The following ZNF827 variants were observed in gnomAD, a reference collection of about 807,000 sequenced individuals.
ZNF827 encodes zinc finger protein 827.
ZNF827 carries 13 observed loss-of-function variants against 102.4 expected under a neutral mutation model. The observed-to-expected ratio is 0.13, with a 90% CI of 0.08 to 0.20. The LOEUF (loss-of-function observed/expected upper bound fraction) is 0.20, where lower values mean the gene tolerates loss of function less well. Ranked by LOEUF, ZNF827 falls within the 10% of genes least tolerant of loss-of-function variation. The pLI, the probability that ZNF827 is intolerant of heterozygous loss-of-function variation, is 1.00. For synonymous variants in ZNF827, 523 were observed against 536.2 expected, an observed-to-expected ratio of 0.98 and a Z score of 0.34; for missense variants, 1,103 against 1,344.4, an observed-to-expected ratio of 0.82 and a Z score of 2.81.
In ZNF827 at chr4:145,760,420, C is replaced by T. The variant is rs1221379111; in HGVS notation, c.*1196G>A. 1.3e-5 allele frequency: 2 copies of T among 153,224 alleles called. No individual in the cohort carries two copies. Among genetic ancestry groups the T allele is most frequent in the East Asian group, 3.8e-4 (2 of 5,198 alleles). 9.5% of individuals were successfully genotyped at this position (153,224 alleles called of 1,614,324 possible). ...TATATAAGCTTACAAGTGCTGATTGCTATTAAGGACACTCTCTTTAGGGTT... is the reference window on the plus strand; with the variant it reads ...TATATAAGCTTACAAGTGCTGATTGTTATTAAGGACACTCTCTTTAGGGTT... On this transcript the variant is annotated 3_prime_UTR_variant, in exon 15 of 15. Transcript: ENST00000508784.
At chr4:145,772,217 T>C (rs973991200) in intron 11 of ZNF827, among the ~76,000 whole-genome samples, 3 of 152,196 alleles carry the variant, frequency 2.0e-5, no homozygotes, top group Non-Finnish European at 4.4e-5. Flanking sequence ...TGAAGGTACA[T>C]TGATTCCCCA....
At chr4:145,856,674 TACACACATACACAC>T (rs1747134789) in intron 5 of ZNF827, among the ~76,000 whole-genome samples, 2 of 127,754 alleles carry the variant, frequency 1.6e-5, no homozygotes, top group African/African-American at 3.1e-5. Context: ...TGACCTCCAG[TACACACATACACAC>T]ACACACACAC....
chr4:145,799,937 T>C (rs1348393114), intron 8 of ZNF827, among the ~76,000 whole-genome samples: 1 of 152,224 alleles, frequency 6.6e-6, no homozygotes, highest in Non-Finnish European at 1.5e-5. Flanking sequence ...GGACTGCTTA[T>C]ACTCTGGCTG....
At chr4:145,911,080 A>C (rs1038153875) in intron 1 of ZNF827, among the ~76,000 whole-genome samples, 15 of 152,194 alleles carry the variant, frequency 9.9e-5, no homozygotes, top group South Asian at 2.1e-4. Context: ...AATAAGAACT[A>C]TTTTCAAAAT....
rs945254568 is a variant in ZNF827, at chr4:145,759,704, G to A, written c.*1912C>T. ...TTATTTTACTTTTTTTTTTTCAGAT[G>A]AGAAACAAAAACTAGTGCAAGACCA... On this transcript the variant is annotated 3_prime_UTR_variant, in exon 15 of 15. Transcript: ENST00000508784. 2.7e-5 allele frequency: 4 copies of A among 150,348 alleles called. No homozygotes were observed. The highest frequency in any genetic ancestry group is 7.3e-5 in the African/African-American group (3 of 40,892). 9.3% of individuals were successfully genotyped at this position (150,348 alleles called of 1,614,324 possible). A position where few individuals can be genotyped will look rare whatever the true frequency, so the allele number is the denominator to read the frequency against.
At chr4:145,885,549 A>C in intron 4 of ZNF827, 129 bp downstream of exon 4, 2 of 1,314,936 alleles carry the variant, frequency 1.5e-6, no homozygotes, top group Non-Finnish European at 2.0e-6. Context: ...ATTTAAAGGG[A>C]CCTTGAAATC....
rs1022843194 is a variant in ZNF827 at position 145,761,084 on chromosome 4, G to A, written c.*532C>T. 2 of 1,289,462 alleles carry A rather than the reference G, an allele frequency of 1.6e-6. No homozygotes were observed. Among genetic ancestry groups the A allele is most frequent in the Non-Finnish European group, 2.0e-6 (2 of 988,722 alleles). 79.9% of individuals were successfully genotyped at this position (1,289,462 alleles called of 1,614,324 possible). ...TGGGAGGCAGACATAACTGACAGGG[G>A]AGACAGGAGATTCCGGGAGCTCCCG... On this transcript the variant is annotated 3_prime_UTR_variant, in exon 15 of 15. Coordinates refer to ENST00000508784, the MANE Select transcript of ZNF827 (RefSeq NM_001306215.2). The surrounding 1 kb of genome is among the most constrained non-coding windows in gnomAD (Gnocchi z 6.8).
At chr4:145,805,756 C>G (rs1437410067) in intron 8 of ZNF827, among the ~76,000 whole-genome samples, 1 of 152,138 alleles carries the variant, frequency 6.6e-6, no homozygotes, top group African/African-American at 2.4e-5. Context: ...CCTCCCTCCC[C>G]TCCAGCCTCA....
chr4:145,930,019 C>T (rs1488876866), intron 1 of ZNF827, among the ~76,000 whole-genome samples: 1 of 152,164 alleles, frequency 6.6e-6, no homozygotes, highest in South Asian at 2.1e-4. Context: ...TGCTGCCCTA[C>T]GAACTTTGAA....
At chr4:145,821,148 C>T (rs893474731) in intron 8 of ZNF827, among the ~76,000 whole-genome samples, 1 of 152,114 alleles carries the variant, frequency 6.6e-6, no homozygotes, top group Non-Finnish European at 1.5e-5. Flanking sequence ...AGTTCTTCAA[C>T]AAAATGTATA....
intron 8 of ZNF827, among the ~76,000 whole-genome samples, chr4:145,781,966 T>C (rs919343722): frequency 3.3e-5 from 5 of 152,310 alleles, no homozygotes; most frequent in African/African-American, 1.2e-4. Context: ...AGCTGAAGCA[T>C]CATGAACTGT....
chr4:145,835,870 C>A (rs898559955), intron 7 of ZNF827, among the ~76,000 whole-genome samples: 1 of 151,650 alleles, frequency 6.6e-6, no homozygotes, highest in Admixed American at 6.6e-5. Context: ...CAAGCCTTTA[C>A]AAGTTAGTTC....
At position 145,763,224 on chromosome 4, in the gene ZNF827, A is replaced by C; in HGVS notation, c.3231-102T>G. On this transcript the variant is annotated intron_variant, in intron 13 of 14. Transcript: ENST00000508784. This position sits in a 1 kb window ranked among gnomAD's most constrained non-coding sequence, Gnocchi z 4.6. Reference sequence around the variant, plus strand: ...ATCACAGAAAAGCAATTTAGACATCAGCAGTCTGTTTCATTTTAAGGACAT... The same window carrying C: ...ATCACAGAAAAGCAATTTAGACATCCGCAGTCTGTTTCATTTTAAGGACAT... 2 of 1,168,940 alleles carry C rather than the reference A, an allele frequency of 1.7e-6. No homozygotes were observed. The highest frequency in any genetic ancestry group is 2.4e-6 in the Non-Finnish European group (2 of 831,070). 72.4% of individuals were successfully genotyped at this position (1,168,940 alleles called of 1,614,324 possible).
At chr4:145,764,956 G>A (rs553358086) in intron 13 of ZNF827, 32 bp downstream of exon 13, 30 of 1,608,524 alleles carry the variant, frequency 1.9e-5, no homozygotes, top group Non-Finnish European at 2.3e-5. Context: ...TAATAACAAC[G>A]CAGTAAAAGG....
rs115632683 is a variant in ZNF827, at chr4:145,866,091, G to A, written c.1981+4154C>T. Among the ~76,000 whole-genome samples the A allele has an allele frequency of 8.0e-3, 1,219 of 152,250 alleles. 20 individuals carry two copies. Among genetic ancestry groups the A allele is most frequent in the African/African-American group, 0.027 (1,121 of 41,534 alleles). Reference sequence around the variant, plus strand: ...AGGGGGTGGTTCCTGGGTTCCATATGGGCCTCCAGCCTCTGGCTGCGGTGG... The same window carrying A: ...AGGGGGTGGTTCCTGGGTTCCATATAGGCCTCCAGCCTCTGGCTGCGGTGG... On this transcript the variant is annotated intron_variant, in intron 5 of 14. Transcript: ENST00000508784.
At chr4:145,921,382 A>T (rs1753053825) in intron 1 of ZNF827, among the ~76,000 whole-genome samples, 1 of 149,834 alleles carries the variant, frequency 6.7e-6, no homozygotes, top group Non-Finnish European at 1.5e-5. Flanking sequence ...TCTGGATTAC[A>T]TGAGTGTTTT....
intron 8 of ZNF827, among the ~76,000 whole-genome samples, chr4:145,781,167 G>A (rs191658204): frequency 0.023 from 2,506 of 110,280 alleles, 31 homozygotes; most frequent in Middle Eastern, 0.096. Context: ...CTGCACTCCA[G>A]CCCGGGCAAC....
chr4:145,903,246 C>G (rs1217902368), intron 1 of ZNF827, 31 bp from the exon 2 acceptor site: 2 of 1,565,882 alleles, frequency 1.3e-6, no homozygotes, highest in East Asian at 4.5e-5. Context: ...CAGGTTTACT[C>G]CCAAAGTGAA....
intron 1 of ZNF827, among the ~76,000 whole-genome samples, chr4:145,915,431 G>A (rs1235497088): frequency 6.6e-6 from 1 of 151,886 alleles, no homozygotes; most frequent in Non-Finnish European, 1.5e-5. Flanking sequence ...CAGGCAACAA[G>A]AGCGGAACTC....
Sources: gnomAD v4.1 joint callset for allele counts (sites outside exome capture counted in the v4.1 genomes callset) on GRCh38, gnomAD v4.1.1 for gene constraint, Gnocchi (gnomAD v3.1) non-coding constraint, MANE v1.5 for transcripts, NCBI Gene and HGNC (gene_info 2026-07-23, HGNC 2026-07-21) for gene names.